OGDH: variants seen among roughly 807,000 people sequenced by gnomAD.
The protein encoded by OGDH is oxoglutarate dehydrogenase.
In OGDH, 38 loss-of-function variants were observed where a neutral mutation model predicts 116.6. That is an observed-to-expected ratio of 0.33 (90% CI 0.25 to 0.43). The LOEUF is 0.43. Among genes scored for constraint, OGDH ranks in the 20% least tolerant of loss-of-function variants. The probability of loss-of-function intolerance (pLI) is 1.00; values close to 1 mark genes in which losing one functional copy is unlikely to be tolerated. For synonymous variants in OGDH, 488 were observed against 533.3 expected, an observed-to-expected ratio of 0.92 and a Z score of 1.17; for missense variants, 825 against 1,357.2, an observed-to-expected ratio of 0.61 and a Z score of 6.16.
intron 2 of OGDH, among the ~76,000 whole-genome samples, chr7:44,644,278 T>C (rs1429813980): frequency 6.6e-6 from 1 of 152,268 alleles, no homozygotes; most frequent in Non-Finnish European, 1.5e-5. Context: ...AGTCTTAGTA[T>C]GTCTGATCTC....
intron 9 of OGDH, among the ~76,000 whole-genome samples, chr7:44,678,289 G>T (rs1182411955): frequency 6.6e-6 from 1 of 152,152 alleles, no homozygotes; most frequent in African/African-American, 2.4e-5. Flanking sequence ...ACCCTCCTTG[G>T]CTAGGACACT....
In OGDH at chr7:44,697,055, G is replaced by A; in HGVS notation, c.2042G>A (p.Gly681Asp). 6.2e-7 allele frequency: 1 copy of A among 1,613,738 alleles called. No homozygotes were observed. The highest frequency in any genetic ancestry group is 8.5e-7 in the Non-Finnish European group (1 of 1,179,626). Reference sequence around the variant, plus strand: ...CTGAGCGGCCAGGACGTGGAGCGGGGCACATTCAGGTAACGTTCTGGGCAG... The same window carrying A: ...CTGAGCGGCCAGGACGTGGAGCGGGACACATTCAGGTAACGTTCTGGGCAG... ...IRLSGQDVERGTFSHRHHVLH... is the reference protein window; with the variant it reads ...IRLSGQDVERDTFSHRHHVLH... Residue 681 changes from glycine (G) to aspartate (D), a missense_variant, in exon 15 of 23, where the codon GGC becomes GAC. This residue lies in a region of OGDH where 73 missense variants were observed against 182.3 expected (regional missense o/e 0.40). Transcript: ENST00000222673. This position sits in a 1 kb window ranked among gnomAD's most constrained non-coding sequence, Gnocchi z 6.0.
At chr7:44,644,703 A>G (rs1786092327) in intron 2 of OGDH, among the ~76,000 whole-genome samples, 1 of 152,306 alleles carries the variant, frequency 6.6e-6, no homozygotes, top group Admixed American at 6.5e-5. Context: ...TGAGGTAGCA[A>G]TGATATTATT....
intron 2 of OGDH, among the ~76,000 whole-genome samples, chr7:44,635,359 G>A (rs567172871): frequency 6.2e-4 from 95 of 152,318 alleles, no homozygotes; most frequent in Middle Eastern, 3.4e-3. Flanking sequence ...ATAGTGCTGG[G>A]CCTCATCAAC....
chr7:44,645,998 C>T (rs1003213522), intron 3 of OGDH, among the ~76,000 whole-genome samples: 4 of 152,124 alleles, frequency 2.6e-5, no homozygotes, highest in Admixed American at 2.6e-4. Context: ...ACAGCTGAGC[C>T]TACAGAGAGT....
rs1315932070 is a variant in OGDH, at chr7:44,614,873, G to A, written c.-28+8220G>A. ...TTTTTTTGAGATGAAGTCTCGCTCTGTCGCCCAGGCTGGAGTGCAGTGGCG... is the reference window on the plus strand; with the variant it reads ...TTTTTTTGAGATGAAGTCTCGCTCTATCGCCCAGGCTGGAGTGCAGTGGCG... On this transcript the variant is annotated intron_variant, in intron 1 of 22. Coordinates refer to ENST00000222673, the MANE Select transcript of OGDH (RefSeq NM_002541.4). Among the ~76,000 whole-genome samples, 5 of 129,056 alleles carry A rather than the reference G, an allele frequency of 3.9e-5. No homozygotes were observed. In the East Asian group the frequency reaches 1.2e-3, roughly 31 times the overall value. The allele number at this position is 129,056 out of a possible 152,430, so 84.7% of individuals were successfully genotyped here. A position where few individuals can be genotyped will look rare whatever the true frequency, so the allele number is the denominator to read the frequency against.
chr7:44,676,216 T>G (rs1445917161), intron 9 of OGDH, 67 bp downstream of exon 9: 1 of 1,613,484 alleles, frequency 6.2e-7, no homozygotes, highest in Non-Finnish European at 8.5e-7. Context: ...GGAGTTCCGC[T>G]CACCAACATA....
At chr7:44,639,715 T>A (rs1288342517) in intron 2 of OGDH, among the ~76,000 whole-genome samples, 1 of 152,166 alleles carries the variant, frequency 6.6e-6, no homozygotes, top group Non-Finnish European at 1.5e-5. Context: ...CACCCAGTCC[T>A]GGAGACAGAA....
intron 1 of OGDH, among the ~76,000 whole-genome samples, chr7:44,609,210 G>T (rs1784468525): frequency 6.6e-6 from 1 of 151,960 alleles, no homozygotes; most frequent in African/African-American, 2.4e-5. Flanking sequence ...CGTGTTATGG[G>T]TAGTTCATTC....
intron 9 of OGDH, among the ~76,000 whole-genome samples, chr7:44,677,070 T>G (rs1787734385): frequency 6.6e-6 from 1 of 152,142 alleles, no homozygotes; most frequent in South Asian, 2.1e-4. Context: ...ATTGTAACAA[T>G]TTGCCCTTAT....
chr7:44,694,057 C>G lies in OGDH; in HGVS notation c.1515+53C>G. 2 of 1,546,780 alleles carry G rather than the reference C, an allele frequency of 1.3e-6. No homozygotes were observed. Among genetic ancestry groups the G allele is most frequent in the South Asian group, 2.4e-5 (2 of 82,384 alleles). On this transcript the variant is annotated intron_variant, in intron 11 of 22. Coordinates refer to ENST00000222673, the MANE Select transcript of OGDH (RefSeq NM_002541.4). This position sits in a 1 kb window ranked among gnomAD's most constrained non-coding sequence, Gnocchi z 4.2. ...TGGGCAGAGCATCTGACCCACCCCT[C>G]TTGCCCTCGGCACCCCTGTGTCCCA...
chr7:44,639,266 A>G (rs954726921), intron 2 of OGDH, among the ~76,000 whole-genome samples: 2 of 152,108 alleles, frequency 1.3e-5, no homozygotes, highest in Non-Finnish European at 2.9e-5. Context: ...GGAGTGGAAG[A>G]TGTTAGAGAG....
chr7:44,661,373 G>A (rs1054052753), intron 4 of OGDH, among the ~76,000 whole-genome samples: 2 of 151,968 alleles, frequency 1.3e-5, no homozygotes, highest in African/African-American at 4.8e-5. Context: ...TAAGCATATA[G>A]GTGGGTTTTG....
At chr7:44,692,436 C>G (rs1245632489) in intron 10 of OGDH, among the ~76,000 whole-genome samples, 3 of 152,186 alleles carry the variant, frequency 2.0e-5, no homozygotes, top group African/African-American at 4.8e-5. Flanking sequence ...ATACTATATA[C>G]TGTTTACGGA....
chr7:44,612,752 A>G (rs945655196), intron 1 of OGDH, among the ~76,000 whole-genome samples: 1 of 152,104 alleles, frequency 6.6e-6, no homozygotes, highest in Non-Finnish European at 1.5e-5. Context: ...GCTGGAGTAG[A>G]GTGGCATTAT....
chr7:44,701,455 G>A, intron 19 of OGDH, 88 bp from the exon 20 acceptor site: 4 of 1,145,192 alleles, frequency 3.5e-6, no homozygotes, highest in Non-Finnish European at 5.2e-6. Flanking sequence ...ATGGCCTGAA[G>A]GTCAAGGCTT....
chr7:44,675,131 A>T (rs1787635327), intron 7 of OGDH, 47 bp from the exon 8 acceptor site: 1 of 1,505,974 alleles, frequency 6.6e-7, no homozygotes, highest in African/African-American at 1.4e-5. Context: ...GCCATCTGGA[A>T]ACCATGACCT....
At chr7:44,655,541 C>T (rs1300225813) in intron 4 of OGDH, among the ~76,000 whole-genome samples, 1 of 152,210 alleles carries the variant, frequency 6.6e-6, no homozygotes, top group Non-Finnish European at 1.5e-5. Context: ...TCTGAGTGCT[C>T]AACCATCAGC....
At chr7:44,690,645 T>C (rs1171869618) in intron 10 of OGDH, among the ~76,000 whole-genome samples, 1 of 152,194 alleles carries the variant, frequency 6.6e-6, no homozygotes, top group Non-Finnish European at 1.5e-5. Context: ...TCCACCCAAG[T>C]AGATAATCCT....
Sources: gnomAD v4.1 joint callset for allele counts (sites outside exome capture counted in the v4.1 genomes callset) on GRCh38, gnomAD v4.1.1 for gene constraint, gnomAD v4.1.1 regional missense constraint, Gnocchi (gnomAD v3.1) non-coding constraint, MANE v1.5 for transcripts, NCBI Gene and HGNC (gene_info 2026-07-23, HGNC 2026-07-21) for gene names.